Variants in RGL1 observed in about 807,000 individuals in gnomAD.
The protein encoded by RGL1 is ral guanine nucleotide dissociation stimulator like 1.
A neutral mutation model predicts 95.2 loss-of-function variants in RGL1; 24 were observed. The ratio of observed to expected loss-of-function variants is 0.25; its 90% CI spans 0.18 to 0.35. The LOEUF is 0.35. RGL1 is among the 10% of genes least tolerant of loss of function. The pLI is 1.00. For missense variants in RGL1, 715 were observed against 936.3 expected (o/e 0.76, Z 3.08); for synonymous variants, 329 against 344.9 (o/e 0.95, Z 0.51).
intron 7 of RGL1, 112 bp downstream of exon 7, chr1:183,885,050 T>G: frequency 1.2e-6 from 1 of 865,918 alleles, no homozygotes; most frequent in Non-Finnish European, 1.8e-6. Context: ...AAAGACCATA[T>G]ATGAGAGCCC....
At chr1:183,826,027 A>AG (rs1662824414) in intron 2 of RGL1, among the ~76,000 whole-genome samples, 1 of 140,030 alleles carries the variant, frequency 7.1e-6, no homozygotes, top group Non-Finnish European at 1.6e-5. Flanking sequence ...CAATCAATCA[A>AG]TCAATCGCAA....
chr1:183,643,445 C>G (rs1387246979), intron 1 of RGL1, among the ~76,000 whole-genome samples: 1 of 152,002 alleles, frequency 6.6e-6, no homozygotes, highest in African/African-American at 2.4e-5. Flanking sequence ...GTGCATGCCA[C>G]CATGCCTGGC....
intron 1 of RGL1, among the ~76,000 whole-genome samples, chr1:183,682,584 G>C (rs1256097950): frequency 1.3e-4 from 20 of 152,056 alleles, no homozygotes; most frequent in South Asian, 8.3e-4. Flanking sequence ...GTTTTACTTT[G>C]AATTATGTGG....
At chr1:183,907,250 CA>C in intron 14 of RGL1, 149 bp downstream of exon 14, 1 of 618,902 alleles carries the variant, frequency 1.6e-6, no homozygotes, top group Non-Finnish European at 2.9e-6. Flanking sequence ...GTCATGAACT[CA>C]AAGCATTTGC....
At chr1:183,711,247 A>G (rs1655247227) in intron 1 of RGL1, among the ~76,000 whole-genome samples, 1 of 152,188 alleles carries the variant, frequency 6.6e-6, no homozygotes, top group African/African-American at 2.4e-5. Flanking sequence ...CACTGGTTCC[A>G]ACCAACTCTT....
upstream of RGL1, chr1:183,805,039 A>G (rs1661188425): frequency 2.8e-6 from 1 of 362,424 alleles, no homozygotes; most frequent in East Asian, 4.5e-5. Context: ...TCACAAGCAC[A>G]AACAGGAAAG....
At chr1:183,904,305 C>T (rs934110770) in intron 12 of RGL1, among the ~76,000 whole-genome samples, 1 of 152,126 alleles carries the variant, frequency 6.6e-6, no homozygotes, top group African/African-American at 2.4e-5. Flanking sequence ...GAAATCTAAA[C>T]ATTCAATTTT....
chr1:183,693,682 G>A (rs780359565), intron 1 of RGL1, among the ~76,000 whole-genome samples: 53 of 151,822 alleles, frequency 3.5e-4, no homozygotes, highest in Non-Finnish European at 5.9e-4. Context: ...GGACAGTTGA[G>A]CCAGAATAAA....
At position 183,928,178 on chromosome 1, in the gene RGL1, A is replaced by T. The variant is rs926102521; in HGVS notation, c.*1886A>T. 6.0e-5 allele frequency: 9 copies of T among 150,526 alleles called. No homozygotes were observed. The highest frequency in any genetic ancestry group is 1.0e-4 in the Non-Finnish European group (7 of 67,356). 9.3% of individuals were successfully genotyped at this position (150,526 alleles called of 1,614,324 possible). ...GGTGCGAAGGTAAAAAAAAAAAAATAAATAAAACCATTGGCCTGGTTGAGG... is the reference window on the plus strand; with the variant it reads ...GGTGCGAAGGTAAAAAAAAAAAAATTAATAAAACCATTGGCCTGGTTGAGG... On this transcript the variant is annotated 3_prime_UTR_variant, in exon 18 of 18. Coordinates refer to ENST00000360851, the MANE Select transcript of RGL1 (RefSeq NM_001297671.3).
rs982494465 is a variant in RGL1, at chr1:183,916,560, C to T, written c.1863C>T (p.Pro621=). 1 of 1,613,752 alleles carries T rather than the reference C, an allele frequency of 6.2e-7. No individual in the cohort carries two copies. Among genetic ancestry groups the T allele is most frequent in the African/African-American group, 1.3e-5 (1 of 74,790 alleles). The stretch of plus-strand genomic sequence containing the variant: ...CCCCTCCGTCCTGCAACAACAACCC[C>T]AAAATCCACAAGCGCTCTGTCTCGG... The part of the protein sequence containing the change: ...LSSPPSCNNN[P]KIHKRSVSVT... Residue 621 remains proline, a synonymous_variant, in exon 16 of 18, where the codon CCC becomes CCT. Transcript: ENST00000360851.
intron 2 of RGL1, among the ~76,000 whole-genome samples, chr1:183,844,515 TAA>T (rs1437453011): frequency 6.6e-6 from 1 of 152,224 alleles, no homozygotes; most frequent in African/African-American, 2.4e-5. Flanking sequence ...AATTCTGCAG[TAA>T]AGAGATATCA....
At chr1:183,891,918 TA>T (rs780584021) in intron 8 of RGL1, among the ~76,000 whole-genome samples, 158 bp from the exon 9 acceptor site, 9 of 150,950 alleles carry the variant, frequency 6.0e-5, no homozygotes, top group African/African-American at 1.2e-4. Context: ...CCATCCCGCA[TA>T]AAAAAAAATC....
chr1:183,653,604 GC>G (rs1215907438), intron 1 of RGL1, among the ~76,000 whole-genome samples: 1 of 152,210 alleles, frequency 6.6e-6, no homozygotes, highest in Admixed American at 6.5e-5. Flanking sequence ...GGGTGCCAGG[GC>G]TTCTCCTTGG....
intron 1 of RGL1, among the ~76,000 whole-genome samples, chr1:183,739,064 C>A (rs1250775315): frequency 6.6e-6 from 1 of 152,184 alleles, no homozygotes; most frequent in Non-Finnish European, 1.5e-5. Context: ...AAGGTAGCAA[C>A]AGCAAAGCAT....
chr1:183,772,736 G>C (rs1312899841), intron 2 of RGL1, among the ~76,000 whole-genome samples: 7 of 152,038 alleles, frequency 4.6e-5, no homozygotes, highest in African/African-American at 1.4e-4. Flanking sequence ...TGGGCCGGGC[G>C]CGGTGGCTCA....
intron 2 of RGL1, among the ~76,000 whole-genome samples, chr1:183,744,397 T>C (rs1014294849): frequency 6.6e-6 from 1 of 151,800 alleles, no homozygotes; most frequent in South Asian, 2.1e-4. Flanking sequence ...CAAGATAAGA[T>C]GAGATGAGTG....
At chr1:183,636,374 C>A in exon 1 of RGL1, 1 of 391,802 alleles carries the variant, frequency 2.6e-6, no homozygotes, top group East Asian at 3.6e-5. Flanking sequence ...GCAGGAAGCC[C>A]GTTTCCTGGG....
intron 1 of RGL1, among the ~76,000 whole-genome samples, chr1:183,721,011 T>C (rs763118990): frequency 6.6e-6 from 1 of 152,114 alleles, no homozygotes; most frequent in Admixed American, 6.5e-5. Context: ...CCCTGAGATA[T>C]CCTGGTGGAA....
chr1:183,860,392 T>C (rs1404342081), intron 3 of RGL1, among the ~76,000 whole-genome samples: 1 of 152,208 alleles, frequency 6.6e-6, no homozygotes, highest in Non-Finnish European at 1.5e-5. Context: ...ACCAGAGTCC[T>C]TGCCACAGCC....
Sources: allele counts gnomAD v4.1 joint callset (sites outside exome capture counted in the v4.1 genomes callset), GRCh38; gene constraint gnomAD v4.1.1; transcripts MANE v1.5; gene names NCBI Gene and HGNC (gene_info 2026-07-23, HGNC 2026-07-21).